Variants in MBD5 observed in about 807,000 individuals in gnomAD.
The protein encoded by MBD5 is methyl-CpG binding domain protein 5, also known as methyl-CpG-binding domain protein 5.
MBD5 carries 13 observed loss-of-function variants against 117.3 expected under a neutral mutation model. The ratio of observed to expected loss-of-function variants is 0.11; its 90% CI spans 0.07 to 0.18. The LOEUF is 0.18. Ranked by LOEUF, MBD5 falls within the 10% of genes least tolerant of loss-of-function variation. MBD5 has a pLI of 1.00. For synonymous variants in MBD5, 727 were observed against 766.4 expected, an observed-to-expected ratio of 0.95 and a Z score of 0.85; for missense variants, 1,879 against 2,093.8, an observed-to-expected ratio of 0.90 and a Z score of 2.00.
At chr2:148,424,836 T>C (rs57905160) in intron 4 of MBD5, among the ~76,000 whole-genome samples, 38,426 of 152,006 alleles carry the variant, frequency 0.25, 5,716 homozygotes, top group African/African-American at 0.41. Context: ...TTGAAACCAA[T>C]GGGAACAAAG....
At chr2:148,302,378 T>C (rs1250267652) in intron 3 of MBD5, among the ~76,000 whole-genome samples, 1 of 152,148 alleles carries the variant, frequency 6.6e-6, no homozygotes, top group African/African-American at 2.4e-5. Context: ...GGACTTTCCC[T>C]CCCCATCAAA....
At chr2:148,464,979 A>T (rs981424028) in intron 7 of MBD5, among the ~76,000 whole-genome samples, 1 of 151,954 alleles carries the variant, frequency 6.6e-6, no homozygotes, top group Non-Finnish European at 1.5e-5. Flanking sequence ...TGATTAAAAA[A>T]AAAAAAGAAG....
intron 3 of MBD5, among the ~76,000 whole-genome samples, chr2:148,269,433 T>A (rs1700932206): frequency 6.6e-6 from 1 of 151,892 alleles, no homozygotes. Context: ...GATAAACTTT[T>A]AAGTCCTTGT....
intron 4 of MBD5, among the ~76,000 whole-genome samples, chr2:148,389,545 A>G (rs1241376205): frequency 6.6e-6 from 1 of 151,908 alleles, no homozygotes; most frequent in East Asian, 1.9e-4. Context: ...TTGCATTACC[A>G]CCAACAGTGT....
Position 148,458,071 on chromosome 2 carries a change from G to A in MBD5, c.-556-132G>A, listed in dbSNP as rs1706940152. ...TGGAAGAAGGAAACAACTTGAATTT[G>A]ACGTATGATTTTGATAGCAAAGGAC... On this transcript the variant is annotated intron_variant, in intron 4 of 13. Coordinates refer to ENST00000642680, the MANE Select transcript of MBD5 (RefSeq NM_001378120.1). The A allele has an allele frequency of 6.9e-5, 27 of 389,516 alleles. No individual in the cohort carries two copies. In the East Asian group the frequency reaches 9.8e-4, roughly 14 times the overall value. The allele number at this position is 389,516 out of a possible 1,614,324, so 24.1% of individuals were successfully genotyped here.
chr2:148,035,648 C>T (rs1694175304), intron 1 of MBD5, among the ~76,000 whole-genome samples: 1 of 152,116 alleles, frequency 6.6e-6, no homozygotes, highest in South Asian at 2.1e-4. Context: ...AATATATTTT[C>T]TTTCCTTGTC....
chr2:148,047,437 C>G (rs1694564067), intron 1 of MBD5, among the ~76,000 whole-genome samples: 1 of 152,146 alleles, frequency 6.6e-6, no homozygotes, highest in South Asian at 2.1e-4. Flanking sequence ...TGGGCAATGG[C>G]AATTCTAGAT....
At chr2:148,441,066 C>CA (rs889306077) in intron 4 of MBD5, among the ~76,000 whole-genome samples, 19 of 151,978 alleles carry the variant, frequency 1.3e-4, no homozygotes, top group African/African-American at 4.1e-4. Flanking sequence ...TTTCTATTTC[C>CA]TGCTTCATCC....
intron 3 of MBD5, among the ~76,000 whole-genome samples, chr2:148,266,059 T>C (rs1411266313): frequency 6.6e-6 from 1 of 152,168 alleles, no homozygotes; most frequent in African/African-American, 2.4e-5. Flanking sequence ...CTTTTGATTT[T>C]AATATCTAAA....
chr2:148,211,561 G>A (rs1699422453), intron 2 of MBD5, among the ~76,000 whole-genome samples: 1 of 152,024 alleles, frequency 6.6e-6, no homozygotes, highest in Admixed American at 6.6e-5. Context: ...AATTATAGAT[G>A]TTCCATGATT....
chr2:148,449,472 G>C (rs1706661379), intron 4 of MBD5, among the ~76,000 whole-genome samples: 1 of 151,934 alleles, frequency 6.6e-6, no homozygotes, highest in South Asian at 2.1e-4. Context: ...GACTTGGAAA[G>C]TTAAGTAAAG....
intron 1 of MBD5, among the ~76,000 whole-genome samples, chr2:148,129,154 CAG>C (rs577149344): frequency 1.7e-4 from 26 of 152,196 alleles, no homozygotes; most frequent in African/African-American, 6.0e-4. Flanking sequence ...ATCAAGAAAA[CAG>C]AACACAAAGA....
chr2:148,347,836 T>C (rs1054805420), intron 4 of MBD5, among the ~76,000 whole-genome samples: 1 of 151,936 alleles, frequency 6.6e-6, no homozygotes, highest in South Asian at 2.1e-4. Context: ...AAGGGGCCCA[T>C]GATGGCAGAA....
intron 3 of MBD5, among the ~76,000 whole-genome samples, chr2:148,280,309 T>G (rs1290208295): frequency 2.6e-5 from 4 of 152,200 alleles, no homozygotes; most frequent in Non-Finnish European, 5.9e-5. Context: ...TTTCTAGAAT[T>G]TAATTCACCT....
intron 4 of MBD5, among the ~76,000 whole-genome samples, chr2:148,439,700 T>C (rs755689236): frequency 2.6e-5 from 4 of 151,834 alleles, no homozygotes; most frequent in Non-Finnish European, 2.9e-5. Context: ...ATGAGGATAA[T>C]TTAAAATTGC....
rs148848960 is a variant in MBD5, at chr2:148,222,900, C to T, written c.-830-10345C>T. 4.6e-4 allele frequency among the ~76,000 whole-genome samples: 70 copies of T among 152,124 alleles called. 2 individuals carry two copies. The East Asian group carries it at 6.9e-3, about 15-fold the overall frequency. ...TTTTCCATATTCAGTATGATGCTAG[C>T]TGTGAGTCTGTCATCTATGGTTTTT... On this transcript the variant is annotated intron_variant, in intron 2 of 13. Transcript: ENST00000642680.
intron 4 of MBD5, among the ~76,000 whole-genome samples, chr2:148,428,276 T>TACA (rs1347244462): frequency 6.6e-6 from 1 of 152,108 alleles, no homozygotes; most frequent in Non-Finnish European, 1.5e-5. Flanking sequence ...TACCTAGGAA[T>TACA]ACAACTTACA....
Position 148,424,170 on chromosome 2 carries a change from T to G in MBD5, c.-556-34033T>G, listed in dbSNP as rs1161735339. 1.5e-4 allele frequency among the ~76,000 whole-genome samples: 9 copies of G among 60,166 alleles called. No individual in the cohort carries two copies. In the Admixed American group the frequency reaches 2.3e-3, roughly 15 times the overall value. The allele number at this position is 60,166 out of a possible 152,430, so 39.5% of individuals were successfully genotyped here. On this transcript the variant is annotated intron_variant, in intron 4 of 13. Transcript: ENST00000642680. Reference sequence around the variant, plus strand: ...TCCAGCCTGGGCAACAGAGCAAGACTCTGTCTCAAAAAAAAAAAAAAAAAA... The same window carrying G: ...TCCAGCCTGGGCAACAGAGCAAGACGCTGTCTCAAAAAAAAAAAAAAAAAA...
At chr2:148,168,151 C>A (rs1347775685) in intron 1 of MBD5, among the ~76,000 whole-genome samples, 1 of 152,140 alleles carries the variant, frequency 6.6e-6, no homozygotes, top group African/African-American at 2.4e-5. Flanking sequence ...ATTATCCATT[C>A]ATCAAACCAT....
Sources: gnomAD v4.1 joint callset for allele counts (sites outside exome capture counted in the v4.1 genomes callset) on GRCh38, gnomAD v4.1.1 for gene constraint, MANE v1.5 for transcripts, NCBI Gene and HGNC (gene_info 2026-07-23, HGNC 2026-07-21) for gene names.